Variants in ROBO1 observed in about 807,000 individuals in gnomAD.
ROBO1 encodes the protein roundabout homolog 1.
Under a neutral mutation model 195.9 loss-of-function variants are expected in ROBO1, and 149 were observed. The ratio of observed to expected loss-of-function variants is 0.76; its 90% confidence interval spans 0.67 to 0.87. The LOEUF (loss-of-function observed/expected upper bound fraction) is 0.87, where lower values mean the gene tolerates loss of function less well. ROBO1 is among the 40% of genes least tolerant of loss of function. ROBO1 has a pLI of 0.00. For synonymous variants in ROBO1, 816 were observed against 733.2 expected (o/e 1.11, Z -1.82); for missense variants, 1,933 against 2,068.3 (o/e 0.93, Z 1.27).
chr3:79,725,341 C>G (rs1397488308), intron 1 of ROBO1, among the ~76,000 whole-genome samples: 2 of 150,640 alleles, frequency 1.3e-5, no homozygotes, highest in African/African-American at 2.4e-5. Flanking sequence ...ATTCTCCTGC[C>G]TCAGCCTCCC....
chr3:79,161,899 A>G (rs1335976050), intron 2 of ROBO1, among the ~76,000 whole-genome samples: 1 of 152,144 alleles, frequency 6.6e-6, no homozygotes, highest in Non-Finnish European at 1.5e-5. Context: ...TAATTTCAAA[A>G]TAATACATAC....
At chr3:79,312,802 A>T (rs2033548244) in intron 2 of ROBO1, among the ~76,000 whole-genome samples, 1 of 152,134 alleles carries the variant, frequency 6.6e-6, no homozygotes. Flanking sequence ...GCTAACTTGG[A>T]TGAAAAAAAA....
At chr3:79,014,760 G>A (rs1230548385) in intron 3 of ROBO1, among the ~76,000 whole-genome samples, 2 of 152,000 alleles carry the variant, frequency 1.3e-5, no homozygotes, top group Non-Finnish European at 2.9e-5. Context: ...ATATGAAATC[G>A]AGCTTGCAGG....
chr3:78,851,948 T>C (rs993959525), intron 4 of ROBO1, among the ~76,000 whole-genome samples: 1 of 152,040 alleles, frequency 6.6e-6, no homozygotes. Context: ...GGATAATATA[T>C]TAAACAGTAT....
At chr3:78,984,775 T>G (rs907975880) in intron 3 of ROBO1, among the ~76,000 whole-genome samples, 2 of 152,178 alleles carry the variant, frequency 1.3e-5, no homozygotes, top group African/African-American at 4.8e-5. Flanking sequence ...GTGATGGCAT[T>G]AGCATAAAAG....
intron 1 of ROBO1, among the ~76,000 whole-genome samples, chr3:79,665,103 G>A (rs1560081764): frequency 6.6e-6 from 1 of 151,580 alleles, no homozygotes; most frequent in Non-Finnish European, 1.5e-5. Flanking sequence ...AAAAATATTT[G>A]CGGAAAATAT....
chr3:78,786,734 T>G (rs1400015768), intron 4 of ROBO1, among the ~76,000 whole-genome samples: 2 of 152,126 alleles, frequency 1.3e-5, no homozygotes, highest in Admixed American at 1.3e-4. Flanking sequence ...CCTTTGCCCC[T>G]CCTTTGCCTT....
chr3:79,166,560 C>CTTTT (rs968334923), intron 2 of ROBO1, among the ~76,000 whole-genome samples: 22 of 135,108 alleles, frequency 1.6e-4, no homozygotes, highest in African/African-American at 3.9e-4. Flanking sequence ...TTCTATTTTT[C>CTTTT]TTTTTTTTTT....
intron 3 of ROBO1, among the ~76,000 whole-genome samples, chr3:78,946,914 A>G (rs1431480892): frequency 1.3e-5 from 2 of 152,192 alleles, no homozygotes; most frequent in Non-Finnish European, 2.9e-5. Flanking sequence ...CAAAGATGAA[A>G]AGAGACAAAG....
intron 1 of ROBO1, among the ~76,000 whole-genome samples, chr3:79,622,263 G>A (rs1044653445): frequency 3.9e-5 from 6 of 152,168 alleles, no homozygotes; most frequent in African/African-American, 9.7e-5. Context: ...ACCCTGGAAC[G>A]CACAAATTCC....
chr3:79,610,036 T>A (rs7432625), intron 1 of ROBO1, among the ~76,000 whole-genome samples: 133,332 of 151,904 alleles, frequency 0.88, 58,629 homozygotes, highest in African/African-American at 0.92. Flanking sequence ...TATTCTAAAA[T>A]TATAAATAGA....
chr3:79,366,636 C>T (rs2035988236), intron 2 of ROBO1, among the ~76,000 whole-genome samples: 2 of 152,120 alleles, frequency 1.3e-5, no homozygotes, highest in Admixed American at 6.5e-5. Flanking sequence ...AGCACTTGGC[C>T]GGCACAACAC....
At chr3:79,451,319 TAA>T (rs969023250) in intron 2 of ROBO1, among the ~76,000 whole-genome samples, 1 of 152,030 alleles carries the variant, frequency 6.6e-6, no homozygotes, top group Admixed American at 6.6e-5. Context: ...AATGGATATA[TAA>T]AGAGATGCTT....
At chr3:79,589,500 T>C (rs1265434024) in intron 2 of ROBO1, among the ~76,000 whole-genome samples, 1 of 151,776 alleles carries the variant, frequency 6.6e-6, no homozygotes, top group East Asian at 1.9e-4. Flanking sequence ...TTCCTTTGTG[T>C]GTTACACACC....
At chr3:79,657,879 A>C (rs1049613589) in intron 1 of ROBO1, among the ~76,000 whole-genome samples, 7 of 152,022 alleles carry the variant, frequency 4.6e-5, no homozygotes, top group African/African-American at 1.7e-4. Context: ...TCTATACCCT[A>C]CTGATGGACT....
chr3:79,659,526 C>T (rs1946267536), intron 1 of ROBO1, among the ~76,000 whole-genome samples: 1 of 151,918 alleles, frequency 6.6e-6, no homozygotes, highest in South Asian at 2.1e-4. Flanking sequence ...ACTCATTAGG[C>T]CTATTTTGAC....
chr3:78,819,135 T>C (rs1431740159), intron 4 of ROBO1, among the ~76,000 whole-genome samples: 2 of 152,128 alleles, frequency 1.3e-5, no homozygotes, highest in East Asian at 1.9e-4. Flanking sequence ...TGGTAAGGCA[T>C]TGTAATATAT....
At chr3:79,661,122 A>T (rs1946315674) in intron 1 of ROBO1, among the ~76,000 whole-genome samples, 1 of 151,904 alleles carries the variant, frequency 6.6e-6, no homozygotes. Context: ...TCTTTGACAA[A>T]CTTTTATCCT....
chr3:78,628,900 C>G (rs1413947620), intron 25 of ROBO1, among the ~76,000 whole-genome samples: 1 of 152,154 alleles, frequency 6.6e-6, no homozygotes, highest in Admixed American at 6.6e-5. Flanking sequence ...CTGCAACAAT[C>G]TTTTAATTGG....
Sources: gnomAD v4.1 joint callset for allele counts (sites outside exome capture counted in the v4.1 genomes callset) on GRCh38, gnomAD v4.1.1 for gene constraint, MANE v1.5 for transcripts, NCBI Gene and HGNC (gene_info 2026-07-23, HGNC 2026-07-21) for gene names.